KIF5C: variants seen among roughly 807,000 people sequenced by gnomAD.
The protein encoded by KIF5C is kinesin heavy chain isoform 5C.
In KIF5C, 18 loss-of-function variants were observed where a neutral mutation model predicts 125.2. The ratio of observed to expected loss-of-function variants is 0.14; its 90% confidence interval spans 0.10 to 0.21. The LOEUF (loss-of-function observed/expected upper bound fraction) is 0.21. Among genes scored for constraint, KIF5C ranks in the 10% least tolerant of loss-of-function variants. KIF5C has a pLI of 1.00. For missense variants in KIF5C, 780 were observed against 1,183.8 expected, an observed-to-expected ratio of 0.66 and a Z score of 5.01; for synonymous variants, 405 against 434.0, an observed-to-expected ratio of 0.93 and a Z score of 0.83.
At chr2:148,958,752 T>C (rs1285618316) in intron 10 of KIF5C, among the ~76,000 whole-genome samples, 1 of 152,008 alleles carries the variant, frequency 6.6e-6, no homozygotes, top group East Asian at 1.9e-4. Flanking sequence ...GAGGTTGAGG[T>C]AGGCGGATCA....
In KIF5C at chr2:149,023,747, A is replaced by G. The variant is rs1026746395; in HGVS notation, c.*677A>G. On this transcript the variant is annotated 3_prime_UTR_variant, in exon 26 of 26. Transcript: ENST00000435030. ...ATTCAAATACATCTGTGTAAATGCA[A>G]AAAGTCATAAAATTCACCTCCGAGC... 2 of 152,306 alleles carry G rather than the reference A, an allele frequency of 1.3e-5. No individual in the cohort carries two copies. Among genetic ancestry groups the G allele is most frequent in the African/African-American group, 4.8e-5 (2 of 41,452 alleles). 9.4% of individuals were successfully genotyped at this position (152,306 alleles called of 1,614,324 possible).
rs10577971 is a variant in KIF5C at position 149,024,515 on chromosome 2, A to AGTGTGTGTGTGT, written c.*1480_*1491dup. ...GACTGTGTGGGTCGAAGGTAGCTCA[A>AGTGTGTGTGTGT]GTGTGTGTGTGTGTGTGTGTGTGTG... On this transcript the variant is annotated 3_prime_UTR_variant, in exon 26 of 26. Coordinates refer to ENST00000435030, the MANE Select transcript of KIF5C (RefSeq NM_004522.3). 9.3e-5 allele frequency: 12 copies of AGTGTGTGTGTGT among 128,712 alleles called. No homozygotes were observed. The highest frequency in any genetic ancestry group is 3.1e-4 in the African/African-American group (11 of 35,334). The allele number at this position is 128,712 out of a possible 1,614,324, so 8.0% of individuals were successfully genotyped here.
At chr2:149,019,787 T>C (rs1323977050) in intron 25 of KIF5C, among the ~76,000 whole-genome samples, 1 of 152,244 alleles carries the variant, frequency 6.6e-6, no homozygotes, top group Admixed American at 6.5e-5. Flanking sequence ...TGCAAGCAAT[T>C]GCAAAAGCCC....
intron 12 of KIF5C, among the ~76,000 whole-genome samples, chr2:148,975,798 G>T (rs550820937): frequency 6.6e-6 from 1 of 152,196 alleles, no homozygotes; most frequent in Non-Finnish European, 1.5e-5. Flanking sequence ...CTGGGCTGGC[G>T]CCTGGCCCTG....
chr2:148,995,833 G>A (rs745947473), intron 17 of KIF5C, among the ~76,000 whole-genome samples: 1 of 152,198 alleles, frequency 6.6e-6, no homozygotes, highest in Non-Finnish European at 1.5e-5. Flanking sequence ...ATATATCATT[G>A]TATTCTTACT....
Position 148,942,007 on chromosome 2 carries a change from A to C in KIF5C, c.501+17A>C, listed in dbSNP as rs753439237. On this transcript the variant is annotated intron_variant, in intron 6 of 25. Transcript: ENST00000435030. Reference sequence around the variant, plus strand: ...TATGTAAAGGTATGAGGAAGATTTGATTGGTGATGCAATTAATTTCTCTCC... The same window carrying C: ...TATGTAAAGGTATGAGGAAGATTTGCTTGGTGATGCAATTAATTTCTCTCC... 1 of 1,608,226 alleles carries C rather than the reference A, an allele frequency of 6.2e-7. No homozygotes were observed. Among genetic ancestry groups the C allele is most frequent in the Admixed American group, 1.7e-5 (1 of 58,722 alleles).
chr2:148,958,564 A>C (rs551751621), intron 10 of KIF5C, among the ~76,000 whole-genome samples: 3 of 152,160 alleles, frequency 2.0e-5, no homozygotes, highest in Non-Finnish European at 4.4e-5. Flanking sequence ...TGTCAGGTAT[A>C]TGTATTTTAT....
chr2:148,923,721 A>G (rs539287165), intron 2 of KIF5C, among the ~76,000 whole-genome samples: 104 of 152,318 alleles, frequency 6.8e-4, no homozygotes, highest in African/African-American at 2.3e-3. Flanking sequence ...GCTAAACATG[A>G]GGGCCATTTA....
chr2:148,935,868 C>T (rs935433233), intron 3 of KIF5C, among the ~76,000 whole-genome samples: 1 of 152,124 alleles, frequency 6.6e-6, no homozygotes, highest in South Asian at 2.1e-4. Flanking sequence ...ATGCACTGGC[C>T]ATCCCTATCT....
chr2:148,988,619 C>T (rs991350750), intron 15 of KIF5C, among the ~76,000 whole-genome samples: 1 of 152,186 alleles, frequency 6.6e-6, no homozygotes, highest in Admixed American at 6.5e-5. Context: ...TGTCTTTCTG[C>T]AGAGGCTGGA....
At chr2:148,896,523 A>G (rs1681848812) in intron 1 of KIF5C, among the ~76,000 whole-genome samples, 1 of 152,224 alleles carries the variant, frequency 6.6e-6, no homozygotes, top group African/African-American at 2.4e-5. Flanking sequence ...GCTGATGTGT[A>G]TCCTGTTTTA....
rs1266051328 is a variant in KIF5C, at chr2:149,010,316, A to T, written c.2732A>T (p.Lys911Met). The change falls in exon 24 of 26, where the codon AAG becomes ATG. Residue 911 changes from lysine (K) to methionine (M), a missense_variant. Lys to Met is a moderately conservative substitution (Grantham distance 95). This residue lies in a region of KIF5C where 573 missense variants were observed against 742.6 expected (regional missense o/e 0.77). Coordinates refer to ENST00000435030, the MANE Select transcript of KIF5C (RefSeq NM_004522.3). ...CGTATCAAGGAGGCCGTGCGGGCCA[A>T]GAACATGGCCAGAAGGGCCCATTCA... ...VDRIKEAVRA[K>M]NMARRAHSAQ... 2 of 1,592,808 alleles carry T rather than the reference A, an allele frequency of 1.3e-6. No individual in the cohort carries two copies. The highest frequency in any genetic ancestry group is 1.7e-6 in the Non-Finnish European group (2 of 1,170,176).
intron 1 of KIF5C, 77 bp from the exon 2 acceptor site, chr2:148,922,060 A>G (rs1574747069): frequency 1.1e-6 from 1 of 942,600 alleles, no homozygotes; most frequent in Non-Finnish European, 1.6e-6. Flanking sequence ...CCTAGCTACT[A>G]ATGTTTGCGA....
chr2:148,901,903 A>G (rs952665799), intron 1 of KIF5C, among the ~76,000 whole-genome samples: 17 of 152,226 alleles, frequency 1.1e-4, no homozygotes, highest in African/African-American at 3.6e-4. Flanking sequence ...CCTCTTAAAG[A>G]GTCAATAGCC....
At chr2:148,933,201 C>T (rs1682216391) in intron 3 of KIF5C, among the ~76,000 whole-genome samples, 1 of 152,082 alleles carries the variant, frequency 6.6e-6, no homozygotes, top group African/African-American at 2.4e-5. Context: ...AACCATTCTT[C>T]AAGATTTGGT....
At chr2:148,964,633 G>GT (rs1683007360) in intron 11 of KIF5C, among the ~76,000 whole-genome samples, 1 of 152,178 alleles carries the variant, frequency 6.6e-6, no homozygotes, top group African/African-American at 2.4e-5. Context: ...TGAGAAGCCA[G>GT]TGAAGGGTTC....
chr2:149,015,639 G>A (rs1682337557), intron 25 of KIF5C, among the ~76,000 whole-genome samples: 1 of 152,212 alleles, frequency 6.6e-6, no homozygotes, highest in South Asian at 2.1e-4. Context: ...AAAGAACCCA[G>A]GATAATGCTG....
chr2:149,004,548 A>G (rs1044881267), intron 21 of KIF5C, among the ~76,000 whole-genome samples: 1 of 152,216 alleles, frequency 6.6e-6, no homozygotes, highest in Non-Finnish European at 1.5e-5. Flanking sequence ...TCATTTGTAG[A>G]AAATAATCCA....
At chr2:148,958,629 A>G (rs993726490) in intron 10 of KIF5C, among the ~76,000 whole-genome samples, 4 of 152,182 alleles carry the variant, frequency 2.6e-5, no homozygotes, top group African/African-American at 9.7e-5. Context: ...GTGGCTTCTA[A>G]TGAAGACAAG....
Sources: allele counts gnomAD v4.1 joint callset (sites outside exome capture counted in the v4.1 genomes callset), GRCh38; gene constraint gnomAD v4.1.1; regional missense constraint gnomAD v4.1.1; transcripts MANE v1.5; gene names NCBI Gene and HGNC (gene_info 2026-07-23, HGNC 2026-07-21).